Variants in SATB1 observed in about 807,000 individuals in gnomAD.
The protein encoded by SATB1 is SATB homeobox 1, also known as DNA-binding protein SATB1.
In SATB1, 11 loss-of-function variants were observed where a neutral mutation model predicts 86.9. The ratio of observed to expected loss-of-function variants is 0.13; its 90% confidence interval spans 0.08 to 0.21. The LOEUF (loss-of-function observed/expected upper bound fraction) is 0.21. Ranked by LOEUF, SATB1 falls within the 10% of genes least tolerant of loss-of-function variation. The pLI, the probability that SATB1 is intolerant of heterozygous loss-of-function variation, is 1.00. For synonymous variants in SATB1, 357 were observed against 357.2 expected, an observed-to-expected ratio of 1.00 and a Z score of 0.01; for missense variants, 551 against 937.6, an observed-to-expected ratio of 0.59 and a Z score of 5.39.
intron 2 of SATB1, chr3:18,436,685 T>TG (rs1431065768): frequency 3.3e-5 from 5 of 152,168 alleles, no homozygotes; most frequent in African/African-American, 1.2e-4. Context: ...CTTTAATGAG[T>TG]GCTCAATACG....
At chr3:18,438,789 A>G (rs113934736), upstream of SATB1, 2 of 152,332 alleles carry the variant, frequency 1.3e-5, no homozygotes, top group Non-Finnish European at 2.9e-5. Flanking sequence ...GAGTCCACCC[A>G]CTTCACCCAG....
upstream of SATB1, among the ~76,000 whole-genome samples, chr3:18,426,511 A>G (rs1231064212): frequency 6.6e-6 from 1 of 152,264 alleles, no homozygotes; most frequent in Admixed American, 6.5e-5. The surrounding 1 kb of genome is among the most constrained non-coding windows in gnomAD (Gnocchi z 4.2). Flanking sequence ...ATAAATGGTC[A>G]TTACCACATA....
At chr3:18,397,887 C>T (rs1021035321) in intron 5 of SATB1, among the ~76,000 whole-genome samples, 3 of 152,244 alleles carry the variant, frequency 2.0e-5, no homozygotes, top group Admixed American at 6.5e-5. Context: ...AAAGTGGACG[C>T]GCATTAACAC....
chr3:18,360,234 C>G (rs1221821491), intron 9 of SATB1, among the ~76,000 whole-genome samples: 1 of 152,056 alleles, frequency 6.6e-6, no homozygotes, highest in Non-Finnish European at 1.5e-5. Context: ...TTTCTTGAAT[C>G]CTCTTAACCA....
intron 9 of SATB1, among the ~76,000 whole-genome samples, chr3:18,374,441 T>C (rs1261475210): frequency 2.6e-5 from 4 of 152,214 alleles, no homozygotes; most frequent in Non-Finnish European, 5.9e-5. Flanking sequence ...AATTCCAATA[T>C]GATTCACTTG....
At chr3:18,411,394 T>C (rs142748174) in intron 5 of SATB1, among the ~76,000 whole-genome samples, 1 of 152,168 alleles carries the variant, frequency 6.6e-6, no homozygotes, top group Non-Finnish European at 1.5e-5. Context: ...AAGGAAGACA[T>C]TACGCTGGTA....
intron 2 of SATB1, among the ~76,000 whole-genome samples, chr3:18,433,522 A>G (rs576703268): frequency 6.6e-6 from 1 of 152,204 alleles, no homozygotes; most frequent in East Asian, 1.9e-4. Context: ...CAGTTTTCAT[A>G]TCATCTATTC....
At chr3:18,366,293 C>G (rs1304790478) in intron 9 of SATB1, among the ~76,000 whole-genome samples, 1 of 151,868 alleles carries the variant, frequency 6.6e-6, no homozygotes, top group African/African-American at 2.4e-5. Flanking sequence ...GCTGTCACTC[C>G]CTGCTTCCTT....
Position 18,349,647 on chromosome 3 carries a change from C to CTGCTGCTGCTGCTGTTGCTGT in SATB1, c.1794_1814dup (p.Gln601_Gln607dup). 4 of 1,610,830 alleles carry CTGCTGCTGCTGCTGTTGCTGT rather than the reference C, an allele frequency of 2.5e-6. No homozygotes were observed. The highest frequency in any genetic ancestry group is 3.4e-6 in the Non-Finnish European group (4 of 1,178,888). On this transcript the variant is annotated inframe_insertion, in exon 11 of 11. Transcript: ENST00000338745. The surrounding 1 kb of genome is among the most constrained non-coding windows in gnomAD (Gnocchi z 5.5). The stretch of plus-strand genomic sequence containing the variant: ...GCTGTGGAGGCGGCGGTGCCTGCTG[C>CTGCTGCTGCTGCTGTTGCTGT]TGCTGCTGCTGCTGTTGCTGTTGCT...
At chr3:18,411,692 C>G (rs148397489) in intron 5 of SATB1, among the ~76,000 whole-genome samples, 3 of 151,902 alleles carry the variant, frequency 2.0e-5, no homozygotes, top group Admixed American at 6.6e-5. Flanking sequence ...TAACCACATC[C>G]ACCGAAAAAA....
chr3:18,439,590 A>G (rs1386216474), upstream of SATB1, among the ~76,000 whole-genome samples: 2 of 152,206 alleles, frequency 1.3e-5, no homozygotes, highest in African/African-American at 4.8e-5. Context: ...AAATTACTAT[A>G]GTAGACACTT....
At chr3:18,362,035 T>C (rs543719570) in intron 9 of SATB1, among the ~76,000 whole-genome samples, 156 of 152,244 alleles carry the variant, frequency 1.0e-3, no homozygotes, top group African/African-American at 3.2e-3. Context: ...AATAAAAATA[T>C]ATAGCAAGTG....
chr3:18,355,460 A>G (rs535283572), intron 9 of SATB1, among the ~76,000 whole-genome samples: 1 of 152,180 alleles, frequency 6.6e-6, no homozygotes, highest in East Asian at 1.9e-4. Flanking sequence ...TTTCTAGGTC[A>G]GTTTTCCACA....
Position 18,349,212 on chromosome 3 carries a change from T to C in SATB1, c.2250A>G (p.Ser750=). ...LFSVKLEEEL[S]VEGNTDINTD... Reference sequence around the variant, plus strand: ...TATTAATGTCTGTGTTTCCTTCCACTGACAGCTCTTCTTCTAGTTTCACTG... The same window carrying C: ...TATTAATGTCTGTGTTTCCTTCCACCGACAGCTCTTCTTCTAGTTTCACTG... Residue 750 remains serine, a synonymous_variant, in exon 11 of 11, where the codon TCA becomes TCG. Coordinates refer to ENST00000338745, the MANE Select transcript of SATB1 (RefSeq NM_002971.6). The surrounding 1 kb of genome is among the most constrained non-coding windows in gnomAD (Gnocchi z 5.5). 1.9e-6 allele frequency: 3 copies of C among 1,614,172 alleles called. No homozygotes were observed. Among genetic ancestry groups the C allele is most frequent in the Non-Finnish European group, 2.5e-6 (3 of 1,179,996 alleles).
rs554935166 is a variant in SATB1 at position 18,401,817 on chromosome 3, G to T, written c.640-4527C>A. Among the ~76,000 whole-genome samples, 20 of 152,224 alleles carry T rather than the reference G, an allele frequency of 1.3e-4. No homozygotes were observed. In the South Asian group the frequency reaches 4.1e-3, roughly 32 times the overall value. On this transcript the variant is annotated intron_variant, in intron 5 of 10. Coordinates refer to ENST00000338745, the MANE Select transcript of SATB1 (RefSeq NM_002971.6). ...AAAGCACATGTCTACTCCCTATGAG[G>T]AGCTTCGGTTCTTTCTGAGAGTCTG... is the stretch of plus-strand genomic sequence containing the variant.
chr3:18,369,112 T>G (rs950574890), intron 9 of SATB1, among the ~76,000 whole-genome samples: 9 of 151,900 alleles, frequency 5.9e-5, no homozygotes, highest in African/African-American at 2.2e-4. Flanking sequence ...CATTTTTGCT[T>G]TTTGAGTGTC....
chr3:18,440,574 G>A (rs555176436), upstream of SATB1, among the ~76,000 whole-genome samples: 26 of 152,224 alleles, frequency 1.7e-4, no homozygotes, highest in Non-Finnish European at 3.4e-4. Context: ...TTAATGCAGC[G>A]TAAATAAACA....
intron 7 of SATB1, among the ~76,000 whole-genome samples, chr3:18,391,472 C>A (rs1179189505): frequency 1.3e-5 from 2 of 151,310 alleles, no homozygotes; most frequent in African/African-American, 4.9e-5. Flanking sequence ...TGGTGCGCTG[C>A]ACCCACTAAG....
upstream of SATB1, among the ~76,000 whole-genome samples, chr3:18,441,697 A>C (rs1249857969): frequency 1.3e-5 from 2 of 152,126 alleles, no homozygotes; most frequent in Non-Finnish European, 2.9e-5. Context: ...AGTGTTTGTA[A>C]CCAAAATATT....
Sources: allele counts gnomAD v4.1 joint callset (sites outside exome capture counted in the v4.1 genomes callset), GRCh38; gene constraint gnomAD v4.1.1; non-coding constraint Gnocchi (gnomAD v3.1); transcripts MANE v1.5; gene names NCBI Gene and HGNC (gene_info 2026-07-23, HGNC 2026-07-21).